The following FAM78B variants were observed in gnomAD, a reference collection of about 807,000 sequenced individuals.
The protein encoded by FAM78B is family with sequence similarity 78 member B, also known as protein FAM78B.
Under a neutral mutation model 20.0 loss-of-function variants are expected in FAM78B, and 10 were observed. That is an observed-to-expected ratio of 0.50 (90% CI 0.31 to 0.85). FAM78B has a LOEUF of 0.85. Ranked by LOEUF, FAM78B falls within the 40% of genes least tolerant of loss-of-function variation. The pLI, the probability that FAM78B is intolerant of heterozygous loss-of-function variation, is 0.05. For missense variants in FAM78B, 283 were observed against 345.0 expected (o/e 0.82, Z 1.42); for synonymous variants, 135 against 132.8 (o/e 1.02, Z -0.12).
At chr1:166,097,815 A>G (rs985129479) in intron 1 of FAM78B, among the ~76,000 whole-genome samples, 2 of 152,080 alleles carry the variant, frequency 1.3e-5, no homozygotes, top group African/African-American at 4.8e-5. Context: ...ACAGAAGACA[A>G]AGGGCATATA....
exon 3 of FAM78B, chr1:166,059,863 A>G (rs1175125945): frequency 6.6e-6 from 1 of 152,208 alleles, no homozygotes; most frequent in Non-Finnish European, 1.5e-5. Flanking sequence ...GCTGTGCTCT[A>G]TGGGCCCAGG....
chr1:166,084,237 A>ACACTCTCTCTCTCTCT (rs771421402), intron 1 of FAM78B, among the ~76,000 whole-genome samples: 131 of 125,462 alleles, frequency 1.0e-3, no homozygotes, highest in Non-Finnish European at 2.0e-3. Context: ...ACACACACAC[A>ACACTCTCTCTCTCTCT]CTCTCTCTCT....
chr1:166,077,580 A>G (rs1279725860), intron 1 of FAM78B, among the ~76,000 whole-genome samples: 1 of 143,988 alleles, frequency 6.9e-6, no homozygotes. Flanking sequence ...TATAATTTAT[A>G]TATATAAAAT....
chr1:166,088,040 A>G, intron 1 of FAM78B, among the ~76,000 whole-genome samples: 1 of 152,092 alleles, frequency 6.6e-6, no homozygotes, highest in East Asian at 1.9e-4. Flanking sequence ...GCCTGCCCCA[A>G]CGCAAAGCCC....
chr1:166,108,216 T>C (rs1653863913), intron 1 of FAM78B, among the ~76,000 whole-genome samples: 1 of 152,098 alleles, frequency 6.6e-6, no homozygotes, highest in Non-Finnish European at 1.5e-5. Context: ...CACTGTTTGC[T>C]GACAATATGA....
chr1:166,120,765 G>A (rs1654438138), intron 1 of FAM78B, among the ~76,000 whole-genome samples: 1 of 152,234 alleles, frequency 6.6e-6, no homozygotes, highest in Admixed American at 6.5e-5. Context: ...GGAGCACGTG[G>A]TGAGCAGAGG....
chr1:166,067,934 T>C (rs1651862260), downstream of FAM78B, among the ~76,000 whole-genome samples: 1 of 152,240 alleles, frequency 6.6e-6, no homozygotes, highest in Non-Finnish European at 1.5e-5. Flanking sequence ...TAGCTAAGTA[T>C]GCTACACCTT....
chr1:166,065,216 G>A (rs12069035), downstream of FAM78B, among the ~76,000 whole-genome samples: 33 of 152,316 alleles, frequency 2.2e-4, no homozygotes, highest in East Asian at 3.1e-3. Flanking sequence ...TGTGACAACG[G>A]AGTGAAGGTC....
intron 1 of FAM78B, among the ~76,000 whole-genome samples, chr1:166,124,248 TCA>T (rs1466406681): frequency 1.3e-5 from 2 of 152,206 alleles, no homozygotes; most frequent in African/African-American, 4.8e-5. Flanking sequence ...CACATTCAAT[TCA>T]CAGTTGCTTC....
intron 1 of FAM78B, among the ~76,000 whole-genome samples, chr1:166,113,674 G>A (rs546092761): frequency 6.6e-6 from 1 of 152,356 alleles, no homozygotes; most frequent in East Asian, 1.9e-4. Flanking sequence ...GGCATGTCCT[G>A]CCATAGTGTC....
At chr1:166,159,890 AGAGATGGAG>A (rs1363210669) in intron 1 of FAM78B, among the ~76,000 whole-genome samples, 1 of 152,218 alleles carries the variant, frequency 6.6e-6, no homozygotes, top group Non-Finnish European at 1.5e-5. Context: ...CCTCTTTTGC[AGAGATGGAG>A]GAGATTAAAG....
intron 1 of FAM78B, among the ~76,000 whole-genome samples, chr1:166,164,049 C>T (rs1656260374): frequency 6.6e-6 from 1 of 152,216 alleles, no homozygotes; most frequent in Non-Finnish European, 1.5e-5. Context: ...AGTTCAACTA[C>T]CATGTCTGTT....
At chr1:166,153,070 C>T (rs1655745927) in intron 1 of FAM78B, among the ~76,000 whole-genome samples, 1 of 152,134 alleles carries the variant, frequency 6.6e-6, no homozygotes, top group South Asian at 2.1e-4. Flanking sequence ...TTATAAAGAT[C>T]ATCCATGGTT....
At chr1:166,159,620 C>T (rs578150813) in intron 1 of FAM78B, among the ~76,000 whole-genome samples, 1 of 152,220 alleles carries the variant, frequency 6.6e-6, no homozygotes, top group South Asian at 2.1e-4. Flanking sequence ...GTCACTGATA[C>T]TTTGCAGTCT....
At chr1:166,149,717 G>A (rs967377222) in intron 1 of FAM78B, among the ~76,000 whole-genome samples, 1 of 152,262 alleles carries the variant, frequency 6.6e-6, no homozygotes, top group Admixed American at 6.5e-5. Context: ...TTACATTCAA[G>A]GTTTATATGG....
intron 1 of FAM78B, among the ~76,000 whole-genome samples, chr1:166,091,923 T>C (rs1404243116): frequency 1.3e-5 from 2 of 152,102 alleles, no homozygotes; most frequent in Non-Finnish European, 2.9e-5. Flanking sequence ...GTCTTAAACC[T>C]ACATCCACAT....
At chr1:166,105,277 G>T (rs1225816940) in intron 1 of FAM78B, among the ~76,000 whole-genome samples, 2 of 152,110 alleles carry the variant, frequency 1.3e-5, no homozygotes, top group East Asian at 3.8e-4. Flanking sequence ...GGCAATACCA[G>T]TCAGCACATA....
At chr1:166,105,506 C>T (rs1229628737) in intron 1 of FAM78B, among the ~76,000 whole-genome samples, 1 of 152,108 alleles carries the variant, frequency 6.6e-6, no homozygotes, top group African/African-American at 2.4e-5. Context: ...AACAAACTTA[C>T]AAGAAAAAAG....
At chr1:166,165,734 C>G (rs1656344766) in intron 1 of FAM78B, among the ~76,000 whole-genome samples, 1 of 152,170 alleles carries the variant, frequency 6.6e-6, no homozygotes, top group Admixed American at 6.5e-5. Context: ...CTTCCCGCCC[C>G]GCACCTTTCT....
Sources: allele counts gnomAD v4.1 joint callset (sites outside exome capture counted in the v4.1 genomes callset), GRCh38; gene constraint gnomAD v4.1.1; transcripts MANE v1.5; gene names NCBI Gene and HGNC (gene_info 2026-07-23, HGNC 2026-07-21).